The following DRC11 variants were observed in gnomAD, a reference collection of about 807,000 sequenced individuals.
DRC11 encodes IQ and AAA domain-containing protein 1.
chr2:236,442,020 G>C, the DRC11 span, among the ~76,000 whole-genome samples: 62 of 152,274 alleles, frequency 4.1e-4, 1 homozygote, highest in East Asian at 9.8e-3. Context: ...AGGATCACTT[G>C]AGTCCAGGAA....
chr2:236,411,898 G>A, the DRC11 span, among the ~76,000 whole-genome samples: 2 of 122,136 alleles, frequency 1.6e-5, no homozygotes, highest in African/African-American at 6.2e-5. Flanking sequence ...GACTGTTGTG[G>A]GGTGGGGGGA....
the DRC11 span, among the ~76,000 whole-genome samples, chr2:236,322,715 A>G: frequency 6.6e-6 from 1 of 152,168 alleles, no homozygotes; most frequent in Non-Finnish European, 1.5e-5. Context: ...ATCTTTAGCT[A>G]TCTTTACCAG....
chr2:236,497,566 A>G, the DRC11 span: 5 of 967,648 alleles, frequency 5.2e-6, no homozygotes, highest in Non-Finnish European at 7.6e-6. The surrounding 1 kb of genome is among the most constrained non-coding windows in gnomAD (Gnocchi z 5.1). Context: ...CCTCTGGTAT[A>G]GCAAAATATA....
At chr2:236,391,795 G>A in the DRC11 span, among the ~76,000 whole-genome samples, 1 of 152,166 alleles carries the variant, frequency 6.6e-6, no homozygotes, top group African/African-American at 2.4e-5. This position sits in a 1 kb window ranked among gnomAD's most constrained non-coding sequence, Gnocchi z 4.5. Context: ...TCCTATTTAT[G>A]AATCCACAGG....
At chr2:236,378,797 G>C in the DRC11 span, among the ~76,000 whole-genome samples, 3 of 152,154 alleles carry the variant, frequency 2.0e-5, no homozygotes, top group Admixed American at 6.5e-5. Context: ...GGAGGTGCCG[G>C]TGTTTACGCA....
At chr2:236,441,961 C>T in the DRC11 span, among the ~76,000 whole-genome samples, 199 of 152,102 alleles carry the variant, frequency 1.3e-3, 1 homozygote, top group African/African-American at 2.6e-3. Context: ...TCTGGCTGGG[C>T]GCAGTGTTTC....
At chr2:236,356,734 T>C in the DRC11 span, among the ~76,000 whole-genome samples, 1 of 151,884 alleles carries the variant, frequency 6.6e-6, no homozygotes, top group Non-Finnish European at 1.5e-5. Flanking sequence ...CCCGCTCCGC[T>C]GTCCCCTGGT....
chr2:236,457,116 C>T, the DRC11 span, among the ~76,000 whole-genome samples: 1 of 152,190 alleles, frequency 6.6e-6, no homozygotes, highest in African/African-American at 2.4e-5. This position sits in a 1 kb window ranked among gnomAD's most constrained non-coding sequence, Gnocchi z 4.7. Flanking sequence ...ATCCTGAGAC[C>T]TAGACGGCAG....
chr2:236,398,032 T>G, the DRC11 span, among the ~76,000 whole-genome samples: 2 of 152,222 alleles, frequency 1.3e-5, no homozygotes, highest in African/African-American at 2.4e-5. The surrounding 1 kb of genome is among the most constrained non-coding windows in gnomAD (Gnocchi z 6.2). Context: ...TTCTTAAGCT[T>G]GGATGACAGC....
At chr2:236,491,165 ATATATATATATATATACACACAG>A in the DRC11 span, among the ~76,000 whole-genome samples, 1 of 77,876 alleles carries the variant, frequency 1.3e-5, no homozygotes, top group Non-Finnish European at 2.4e-5. Context: ...CACAGTATAT[ATATATATATATATATACACACAG>A]TATATATATA....
At chr2:236,347,517 T>TATATATATATATATATATAG in the DRC11 span, among the ~76,000 whole-genome samples, 1 of 143,316 alleles carries the variant, frequency 7.0e-6, no homozygotes, top group Non-Finnish European at 1.6e-5. Context: ...GCTATATATA[T>TATATATATATATATATATAG]ATATATATAT....
chr2:236,397,285 C>T, the DRC11 span, among the ~76,000 whole-genome samples: 1 of 152,242 alleles, frequency 6.6e-6, no homozygotes, highest in African/African-American at 2.4e-5. This position sits in a 1 kb window ranked among gnomAD's most constrained non-coding sequence, Gnocchi z 5.0. Flanking sequence ...TCTCTGGCTC[C>T]TTTCTTCCTG....
chr2:236,310,377 C>T, the DRC11 span, among the ~76,000 whole-genome samples: 1 of 152,320 alleles, frequency 6.6e-6, no homozygotes, highest in Admixed American at 6.5e-5. The surrounding 1 kb of genome is among the most constrained non-coding windows in gnomAD (Gnocchi z 5.5). Context: ...CACTACTGTG[C>T]CCCAGGGACA....
At chr2:236,455,179 C>T in the DRC11 span, 2 of 152,304 alleles carry the variant, frequency 1.3e-5, no homozygotes, top group African/African-American at 4.8e-5. The surrounding 1 kb of genome is among the most constrained non-coding windows in gnomAD (Gnocchi z 5.7). Context: ...CCACCTACCA[C>T]TCCTCTGCAC....
chr2:236,311,697 C>CGTGCGTGTGTGTGTGTGTGTGT, the DRC11 span, among the ~76,000 whole-genome samples: 1 of 138,706 alleles, frequency 7.2e-6, no homozygotes, highest in African/African-American at 2.6e-5. This position sits in a 1 kb window ranked among gnomAD's most constrained non-coding sequence, Gnocchi z 6.9. Flanking sequence ...GGATGGGGTG[C>CGTGCGTGTGTGTGTGTGTGTGT]GTGTGTGTGT....
At chr2:236,458,611 T>G in the DRC11 span, among the ~76,000 whole-genome samples, 2 of 152,190 alleles carry the variant, frequency 1.3e-5, no homozygotes, top group African/African-American at 2.4e-5. Context: ...CCCCACAGCA[T>G]CAGAGAAGTG....
chr2:236,319,238 G>A, the DRC11 span, among the ~76,000 whole-genome samples: 14 of 152,334 alleles, frequency 9.2e-5, no homozygotes, highest in East Asian at 1.7e-3. This position sits in a 1 kb window ranked among gnomAD's most constrained non-coding sequence, Gnocchi z 6.7. Flanking sequence ...AGCAGGTGGC[G>A]TTCACTGAGA....
chr2:236,493,087 T>C, the DRC11 span, among the ~76,000 whole-genome samples: 1,668 of 152,304 alleles, frequency 0.011, 32 homozygotes, highest in African/African-American at 0.038. Context: ...TCCATGTGGC[T>C]AGGGAGGCCT....
At chr2:236,310,908 CG>C in the DRC11 span, among the ~76,000 whole-genome samples, 1 of 152,188 alleles carries the variant, frequency 6.6e-6, no homozygotes, top group Non-Finnish European at 1.5e-5. The surrounding 1 kb of genome is among the most constrained non-coding windows in gnomAD (Gnocchi z 5.5). Context: ...CCCCATTCAC[CG>C]ATCTGTCAGT....
Sources: allele counts gnomAD v4.1 joint callset (sites outside exome capture counted in the v4.1 genomes callset), GRCh38; gene constraint gnomAD v4.1.1; non-coding constraint Gnocchi (gnomAD v3.1); transcripts MANE v1.5; gene names NCBI Gene and HGNC (gene_info 2026-07-23, HGNC 2026-07-21).